Variants in CHD9 observed in about 807,000 individuals in gnomAD.
CHD9 encodes the protein chromodomain helicase DNA binding protein 9, also known as ATP-dependent chromatin remodeler CHD9.
A neutral mutation model predicts 316.1 loss-of-function variants in CHD9; 77 were observed. The observed-to-expected ratio is 0.24, with a 90% CI of 0.20 to 0.29. The LOEUF (loss-of-function observed/expected upper bound fraction) is 0.29. Ranked by LOEUF, CHD9 falls within the 10% of genes least tolerant of loss-of-function variation. The pLI is 1.00. For synonymous variants in CHD9, 1,129 were observed against 1,158.3 expected, an observed-to-expected ratio of 0.97 and a Z score of 0.51; for missense variants, 2,763 against 3,438.1, an observed-to-expected ratio of 0.80 and a Z score of 4.91.
chr16:53,139,789 A>G (rs781018833), intron 1 of CHD9, among the ~76,000 whole-genome samples: 6 of 152,186 alleles, frequency 3.9e-5, no homozygotes, highest in Admixed American at 2.0e-4. Context: ...TAACTTTTCT[A>G]TTTAAAGCCT....
intron 13 of CHD9, 75 bp downstream of exon 13, chr16:53,243,091 A>G: frequency 9.1e-7 from 1 of 1,103,810 alleles, no homozygotes; most frequent in Non-Finnish European, 1.3e-6. Context: ...AGTTAATGCT[A>G]AAAATTTTTC....
chr16:53,121,150 G>A (rs1180254259), intron 1 of CHD9: 1 of 261,946 alleles, frequency 3.8e-6, no homozygotes, highest in East Asian at 9.7e-5. Context: ...TGAAGCCAGA[G>A]GACCATATCT....
intron 2 of CHD9, among the ~76,000 whole-genome samples, chr16:53,170,237 T>A (rs984493454): frequency 6.6e-6 from 1 of 152,118 alleles, no homozygotes; most frequent in African/African-American, 2.4e-5. Flanking sequence ...ATGGATTTTT[T>A]AAAAAATCAG....
intron 8 of CHD9, 35 bp from the exon 9 acceptor site, chr16:53,231,384 T>C: frequency 1.7e-6 from 2 of 1,203,212 alleles, no homozygotes; most frequent in Non-Finnish European, 2.4e-6. Context: ...TCCAGTTCTT[T>C]GTCAGATGTC....
intron 1 of CHD9, among the ~76,000 whole-genome samples, chr16:53,149,458 A>G (rs1597163865): frequency 6.6e-6 from 1 of 151,942 alleles, no homozygotes; most frequent in Non-Finnish European, 1.5e-5. Context: ...TGGGTCTGTT[A>G]GGTGCATACA....
At chr16:53,055,498 C>CCT (rs1555511564) in intron 1 of CHD9, among the ~76,000 whole-genome samples, 3 of 151,630 alleles carry the variant, frequency 2.0e-5, no homozygotes, top group African/African-American at 7.3e-5. Flanking sequence ...ACCCCCGCCC[C>CCT]CCCCCAGAGA....
At chr16:53,205,489 C>G (rs999011448) in intron 2 of CHD9, among the ~76,000 whole-genome samples, 3 of 152,054 alleles carry the variant, frequency 2.0e-5, no homozygotes, top group African/African-American at 7.2e-5. Context: ...GGGGGAAGGG[C>G]AGAAAAACCA....
At chr16:53,182,853 A>T (rs2043645695) in intron 2 of CHD9, among the ~76,000 whole-genome samples, 1 of 152,176 alleles carries the variant, frequency 6.6e-6, no homozygotes, top group Non-Finnish European at 1.5e-5. Context: ...TTTTCATTGA[A>T]ATTATTTTGT....
intron 11 of CHD9, 113 bp from the exon 12 acceptor site, chr16:53,238,230 A>G: frequency 2.8e-6 from 3 of 1,055,594 alleles, no homozygotes; most frequent in Non-Finnish European, 4.0e-6. Flanking sequence ...CAACTTTTAC[A>G]TTTTTATAAA....
At chr16:53,056,516 G>C (rs1445692744) in intron 1 of CHD9, among the ~76,000 whole-genome samples, 1 of 152,190 alleles carries the variant, frequency 6.6e-6, no homozygotes, top group East Asian at 1.9e-4. Context: ...CTTGCTCGAA[G>C]TTATATAATT....
intron 1 of CHD9, among the ~76,000 whole-genome samples, chr16:53,085,433 C>T (rs1382385490): frequency 1.3e-5 from 2 of 152,070 alleles, no homozygotes; most frequent in African/African-American, 4.8e-5. Context: ...TGACATCTGC[C>T]TTGGGGAGGA....
intron 1 of CHD9, among the ~76,000 whole-genome samples, chr16:53,099,804 C>T (rs528117799): frequency 6.6e-6 from 1 of 152,336 alleles, no homozygotes; most frequent in South Asian, 2.1e-4. Context: ...CGGGAGAGAG[C>T]CCGCCAGGCC....
chr16:53,121,702 T>C (rs1053863040), intron 1 of CHD9: 2 of 203,912 alleles, frequency 9.8e-6, no homozygotes, highest in Non-Finnish European at 2.0e-5. Flanking sequence ...TGAGGTACTT[T>C]AAGCTAGCTA....
intron 1 of CHD9, among the ~76,000 whole-genome samples, chr16:53,068,408 C>A (rs151123186): frequency 5.4e-4 from 82 of 152,280 alleles, no homozygotes; most frequent in African/African-American, 1.6e-3. Flanking sequence ...TCTTCCCCGC[C>A]GATCCAGCAT....
intron 2 of CHD9, among the ~76,000 whole-genome samples, chr16:53,203,759 C>T (rs1276711594): frequency 6.6e-6 from 1 of 151,862 alleles, no homozygotes; most frequent in Admixed American, 6.6e-5. Context: ...CGTGGTGGCT[C>T]ACGCTTGTAA....
chr16:53,083,481 T>A (rs2035203531), intron 1 of CHD9, among the ~76,000 whole-genome samples: 1 of 152,228 alleles, frequency 6.6e-6, no homozygotes. Flanking sequence ...CCCCTCTTTC[T>A]CTGCCTGTTA....
At chr16:53,246,446 A>AC (rs1376499787) in intron 15 of CHD9, among the ~76,000 whole-genome samples, 1 of 152,050 alleles carries the variant, frequency 6.6e-6, no homozygotes, top group Non-Finnish European at 1.5e-5. Context: ...TGCATCAAGC[A>AC]CCTGTAACAT....
At chr16:53,280,951 A>T (rs1362509656) in intron 24 of CHD9, among the ~76,000 whole-genome samples, 2 of 152,088 alleles carry the variant, frequency 1.3e-5, no homozygotes, top group African/African-American at 4.8e-5. Flanking sequence ...ATTTATGCTA[A>T]CTATACCCAT....
intron 1 of CHD9, among the ~76,000 whole-genome samples, chr16:53,153,655 A>T (rs918619246): frequency 6.6e-6 from 1 of 152,010 alleles, no homozygotes; most frequent in Non-Finnish European, 1.5e-5. Context: ...CAGCCCCCCA[A>T]ATAGCTGGGA....
Sources: gnomAD v4.1 joint callset for allele counts (sites outside exome capture counted in the v4.1 genomes callset) on GRCh38, gnomAD v4.1.1 for gene constraint, MANE v1.5 for transcripts, NCBI Gene and HGNC (gene_info 2026-07-23, HGNC 2026-07-21) for gene names.